Variants in FAM210A observed in about 807,000 individuals in gnomAD.
FAM210A encodes the protein mitochondrial inner membrane scaffold 1, also known as family with sequence similarity 210 member A.
Under a neutral mutation model 25.3 loss-of-function variants are expected in FAM210A, and 13 were observed. The ratio of observed to expected loss-of-function variants is 0.51; its 90% CI spans 0.33 to 0.82. The LOEUF is 0.82. Ranked by LOEUF, FAM210A falls within the 40% of genes least tolerant of loss-of-function variation. The pLI, the probability that FAM210A is intolerant of heterozygous loss-of-function variation, is 0.02. For synonymous variants in FAM210A, 125 were observed against 118.7 expected (o/e 1.05, Z -0.35); for missense variants, 319 against 323.2 (o/e 0.99, Z 0.10).
At chr18:13,707,592 T>C (rs1168933269) in intron 1 of FAM210A, among the ~76,000 whole-genome samples, 1 of 152,192 alleles carries the variant, frequency 6.6e-6, no homozygotes, top group Non-Finnish European at 1.5e-5. Context: ...TCTCTCAAAA[T>C]TGAAAGAATG....
intron 1 of FAM210A, among the ~76,000 whole-genome samples, chr18:13,716,351 G>A (rs935463713): frequency 1.3e-5 from 2 of 152,160 alleles, no homozygotes; most frequent in African/African-American, 4.8e-5. Context: ...TCCAATGATG[G>A]ATCCCGATCA....
At chr18:13,680,987 A>G (rs1033102979) in intron 2 of FAM210A, among the ~76,000 whole-genome samples, 1 of 152,216 alleles carries the variant, frequency 6.6e-6, no homozygotes, top group African/African-American at 2.4e-5. Context: ...TTTCCTTGAC[A>G]CTTACTGGAC....
intron 1 of FAM210A, among the ~76,000 whole-genome samples, chr18:13,715,995 A>G (rs573592681): frequency 2.5e-4 from 38 of 152,346 alleles, no homozygotes; most frequent in Admixed American, 5.9e-4. Context: ...GTGCTGTTCA[A>G]TAAGGTAGCC....
chr18:13,684,609 T>TA (rs1304353380), intron 1 of FAM210A, among the ~76,000 whole-genome samples: 1 of 152,214 alleles, frequency 6.6e-6, no homozygotes, highest in Non-Finnish European at 1.5e-5. Context: ...AATTCACTCT[T>TA]AGAGACGTCA....
intron 2 of FAM210A, among the ~76,000 whole-genome samples, chr18:13,679,180 G>A (rs564573565): frequency 1.1e-4 from 16 of 152,292 alleles, no homozygotes; most frequent in African/African-American, 3.6e-4. Context: ...GAGCTATCAG[G>A]GTAACCAAGA....
intron 1 of FAM210A, among the ~76,000 whole-genome samples, chr18:13,708,406 G>A (rs2043796652): frequency 6.6e-6 from 1 of 152,182 alleles, no homozygotes; most frequent in Non-Finnish European, 1.5e-5. Context: ...CTAATCTCCA[G>A]CCCTAGCCTT....
chr18:13,717,759 G>A (rs577657408), intron 1 of FAM210A, among the ~76,000 whole-genome samples: 1 of 152,304 alleles, frequency 6.6e-6, no homozygotes, highest in African/African-American at 2.4e-5. Flanking sequence ...GCACCAGAAT[G>A]TCAGGTTTAA....
At chr18:13,695,352 T>C (rs1420976266) in intron 1 of FAM210A, among the ~76,000 whole-genome samples, 1 of 152,188 alleles carries the variant, frequency 6.6e-6, no homozygotes, top group Non-Finnish European at 1.5e-5. Flanking sequence ...GACCCAGCCA[T>C]CCCATTACTG....
Position 13,687,296 on chromosome 18 carries a change from C to G in FAM210A, c.-28-5191G>C, listed in dbSNP as rs1213834886. ...GGGCAGGAGAGGGCTCTTTCCCACC[C>G]ACTAGAGATGTCAGGTGATGGTTCA... On this transcript the variant is annotated intron_variant, in intron 1 of 3. Coordinates refer to ENST00000651643, the MANE Select transcript of FAM210A (RefSeq NM_152352.4). Among the ~76,000 whole-genome samples, 3 of 152,274 alleles carry G rather than the reference C, an allele frequency of 2.0e-5. No individual in the cohort carries two copies. The East Asian group carries it at 5.8e-4, about 29-fold the overall frequency.
intron 2 of FAM210A, among the ~76,000 whole-genome samples, chr18:13,675,989 A>G: frequency 1.2e-5 from 1 of 86,466 alleles, no homozygotes; most frequent in African/African-American, 4.5e-5. Flanking sequence ...TAACTTCTTT[A>G]TTTCCAGTTT....
chr18:13,711,029 T>C (rs2043816969), intron 1 of FAM210A, among the ~76,000 whole-genome samples: 1 of 152,206 alleles, frequency 6.6e-6, no homozygotes, highest in South Asian at 2.1e-4. Context: ...GGTCTTTATG[T>C]GATGTTTGCC....
In FAM210A at chr18:13,681,912, A is replaced by G. The variant is rs548721066; in HGVS notation, c.166T>C (p.Leu56=). ...ACACACTGGGCAGCAGATAAATGCA[A>G]CCATTGTTTTTGAGGGCCTTGTACC... The part of the protein sequence containing the change: ...VLVQGPQKQW[L]HLSAAQCVAK... The change falls in exon 2 of 4, where the codon TTG becomes CTG. Residue 56 remains leucine (L), a synonymous_variant. Transcript: ENST00000651643. 1 of 1,614,190 alleles carries G rather than the reference A, an allele frequency of 6.2e-7. No homozygotes were observed. Among genetic ancestry groups the G allele is most frequent in the Non-Finnish European group, 8.5e-7 (1 of 1,180,028 alleles).
intron 2 of FAM210A, among the ~76,000 whole-genome samples, chr18:13,677,316 C>T (rs553592811): frequency 2.6e-5 from 4 of 152,248 alleles, no homozygotes; most frequent in Non-Finnish European, 5.9e-5. Flanking sequence ...CCTTGTGATC[C>T]GCCCACCTCG....
chr18:13,719,618 C>T (rs924960540), intron 1 of FAM210A, among the ~76,000 whole-genome samples: 2 of 152,012 alleles, frequency 1.3e-5, no homozygotes, highest in Non-Finnish European at 2.9e-5. Flanking sequence ...GGTCATAGAC[C>T]ACTGCTACTA....
At position 13,682,020 on chromosome 18, in the gene FAM210A, G is replaced by T; in HGVS notation, c.58C>A (p.Pro20Thr). Residue 20 changes from proline to threonine, a missense_variant, in exon 2 of 4, where the codon CCA becomes ACA. Pro to Thr is a conservative substitution (Grantham distance 38, BLOSUM62 -1). Transcript: ENST00000651643. ...SRLARRTCLE[P>T]HNAGLFGHCQ... ...TGTCCAAAGAGACCAGCATTATGTG[G>T]TTCCAAGCATGTCCTGCGTGCCAGT... 1 of 1,613,602 alleles carries T rather than the reference G, an allele frequency of 6.2e-7. No homozygotes were observed. The highest frequency in any genetic ancestry group is 8.5e-7 in the Non-Finnish European group (1 of 1,179,762).
intron 2 of FAM210A, among the ~76,000 whole-genome samples, chr18:13,677,746 C>T (rs765499566): frequency 1.3e-5 from 2 of 152,128 alleles, no homozygotes; most frequent in Non-Finnish European, 2.9e-5. Flanking sequence ...TTGGTGAAGG[C>T]AGGGTCGGTA....
chr18:13,721,937 A>AT (rs1278500034), intron 1 of FAM210A, among the ~76,000 whole-genome samples: 1 of 152,186 alleles, frequency 6.6e-6, no homozygotes, highest in Non-Finnish European at 1.5e-5. Context: ...TGAGAAAAAA[A>AT]TTAACGGTAT....
At chr18:13,676,098 T>C (rs1233466103) in intron 2 of FAM210A, among the ~76,000 whole-genome samples, 2 of 150,956 alleles carry the variant, frequency 1.3e-5, no homozygotes, top group Admixed American at 1.3e-4. Context: ...TCCAGTTTCC[T>C]GATTATTAAC....
chr18:13,679,302 C>T (rs1297797440), intron 2 of FAM210A, among the ~76,000 whole-genome samples: 1 of 152,192 alleles, frequency 6.6e-6, no homozygotes, highest in Non-Finnish European at 1.5e-5. Flanking sequence ...TAACACAGAA[C>T]TTTTTCCAGT....
Sources: allele counts gnomAD v4.1 joint callset (sites outside exome capture counted in the v4.1 genomes callset), GRCh38; gene constraint gnomAD v4.1.1; transcripts MANE v1.5; gene names NCBI Gene and HGNC (gene_info 2026-07-23, HGNC 2026-07-21).